The following FBXO33 variants were observed in gnomAD, a reference collection of about 807,000 sequenced individuals.
FBXO33 encodes F-box protein 33, also known as F-box only protein 33.
In FBXO33, 22 loss-of-function variants were observed where a neutral mutation model predicts 46.3. The observed-to-expected ratio is 0.48, with a 90% CI of 0.34 to 0.68. The LOEUF (loss-of-function observed/expected upper bound fraction) is 0.68, where lower values mean the gene tolerates loss of function less well. Among genes scored for constraint, FBXO33 ranks in the 30% least tolerant of loss-of-function variants. FBXO33 has a pLI of 0.01. For missense variants in FBXO33, 692 were observed against 708.8 expected, an observed-to-expected ratio of 0.98 and a Z score of 0.27; for synonymous variants, 337 against 291.3, an observed-to-expected ratio of 1.16 and a Z score of -1.60.
intron 1 of FBXO33, among the ~76,000 whole-genome samples, chr14:39,408,204 C>T (rs1029349072): frequency 5.3e-5 from 8 of 151,926 alleles, no homozygotes; most frequent in African/African-American, 1.9e-4. Flanking sequence ...CTCAGCCTCC[C>T]AAAGTGTTGG....
At position 39,399,450 on chromosome 14, in the gene FBXO33, T is replaced by G. The variant is rs1015757691; in HGVS notation, c.*66A>C. 8 of 1,414,220 alleles carry G rather than the reference T, an allele frequency of 5.7e-6. No homozygotes were observed. Among genetic ancestry groups the G allele is most frequent in the Non-Finnish European group, 4.8e-6 (5 of 1,042,958 alleles). The allele number at this position is 1,414,220 out of a possible 1,614,324, so 87.6% of individuals were successfully genotyped here. A position where few individuals can be genotyped will look rare whatever the true frequency, so the allele number is the denominator to read the frequency against. On this transcript the variant is annotated 3_prime_UTR_variant, in exon 4 of 4. Transcript: ENST00000298097. The stretch of plus-strand genomic sequence containing the variant: ...GCACAAAAGGATTAATTCACACTAC[T>G]GAAAAAAAAACATAATAGGACCCTA...
At chr14:39,412,679 C>A (rs902269436) in intron 1 of FBXO33, among the ~76,000 whole-genome samples, 1 of 151,976 alleles carries the variant, frequency 6.6e-6, no homozygotes, top group Non-Finnish European at 1.5e-5. Context: ...TTTTGTGTAT[C>A]TACCACAGGC....
chr14:39,415,541 T>C (rs573721021), intron 1 of FBXO33, among the ~76,000 whole-genome samples: 6 of 150,972 alleles, frequency 4.0e-5, no homozygotes, highest in Admixed American at 1.3e-4. Context: ...CATTTTAAGA[T>C]AATAATATAA....
intron 1 of FBXO33, among the ~76,000 whole-genome samples, chr14:39,406,650 A>T (rs1237852807): frequency 6.6e-6 from 1 of 152,190 alleles, no homozygotes. Flanking sequence ...TTTAGGGCAG[A>T]GTACCAGAGA....
intron 1 of FBXO33, among the ~76,000 whole-genome samples, chr14:39,419,919 C>T (rs1482398447): frequency 1.3e-5 from 2 of 152,184 alleles, no homozygotes; most frequent in African/African-American, 4.8e-5. Flanking sequence ...ATCACAAAGT[C>T]ATAAACAGTG....
Position 39,399,469 on chromosome 14 carries a change from G to A in FBXO33, c.*47C>T, listed in dbSNP as rs573889960. 2 of 1,531,576 alleles carry A rather than the reference G, an allele frequency of 1.3e-6. No homozygotes were observed. Among genetic ancestry groups the A allele is most frequent in the South Asian group, 2.5e-5 (2 of 79,436 alleles). The allele number at this position is 1,531,576 out of a possible 1,614,324, so 94.9% of individuals were successfully genotyped here. On this transcript the variant is annotated 3_prime_UTR_variant, in exon 4 of 4. Transcript: ENST00000298097. ...CACTACTGAAAAAAAAACATAATAG[G>A]ACCCTACTTGCATATGTAACCACAG...
At position 39,401,175 on chromosome 14, in the gene FBXO33, C is replaced by A; in HGVS notation, c.1396+1G>T. On this transcript the variant is annotated splice_donor_variant, in intron 3 of 3. Transcript: ENST00000298097. LOFTEE classifies it high-confidence loss of function. The stretch of plus-strand genomic sequence containing the variant: ...AGATTACAATGAACAAGATCACCTA[C>A]CATGAATTGCCAGAAGAGAGAGCTT... The A allele has an allele frequency of 6.4e-7, 1 of 1,570,816 alleles. No homozygotes were observed. The highest frequency in any genetic ancestry group is 8.6e-7 in the Non-Finnish European group (1 of 1,163,028).
chr14:39,415,086 C>T (rs2075441249), intron 1 of FBXO33, among the ~76,000 whole-genome samples: 1 of 152,024 alleles, frequency 6.6e-6, no homozygotes, highest in South Asian at 2.1e-4. Flanking sequence ...TCGTGGGGCA[C>T]CAAAATGATT....
intron 1 of FBXO33, among the ~76,000 whole-genome samples, chr14:39,425,741 G>A (rs72677604): frequency 0.029 from 4,437 of 152,296 alleles, 175 homozygotes; most frequent in Admixed American, 0.11. Context: ...TTCTATGGAT[G>A]GAAGTGTACT....
chr14:39,427,408 G>A (rs557847740), intron 1 of FBXO33, among the ~76,000 whole-genome samples: 1 of 152,244 alleles, frequency 6.6e-6, no homozygotes, highest in South Asian at 2.1e-4. Context: ...AGGGCAGATT[G>A]GTCACAGGCC....
chr14:39,410,866 G>A (rs61999073), intron 1 of FBXO33, among the ~76,000 whole-genome samples: 12,591 of 152,144 alleles, frequency 0.083, 634 homozygotes, highest in South Asian at 0.18. Flanking sequence ...GGCATCAGTT[G>A]TAATGTCTCC....
intron 1 of FBXO33, among the ~76,000 whole-genome samples, chr14:39,416,986 G>T (rs2075451639): frequency 6.6e-6 from 1 of 152,160 alleles, no homozygotes; most frequent in African/African-American, 2.4e-5. Flanking sequence ...TTGCTGTAGA[G>T]GGTACCCACT....
At position 39,432,014 on chromosome 14, in the gene FBXO33, C is replaced by T; in HGVS notation, c.149G>A (p.Gly50Glu). The T allele has an allele frequency of 7.1e-7, 1 of 1,409,858 alleles. No homozygotes were observed. The highest frequency in any genetic ancestry group is 2.9e-5 in the East Asian group (1 of 34,528). 87.3% of individuals were successfully genotyped at this position (1,409,858 alleles called of 1,614,324 possible). A position where few individuals can be genotyped will look rare whatever the true frequency, so the allele number is the denominator to read the frequency against. ...GLLRVLRGRP[G>E]AGSRRRGRMA... The stretch of plus-strand genomic sequence containing the variant: ...CCGGCCCCGCCGCCGGCTGCCGGCT[C>T]CCGGCCGCCCCCGCAGTACCCGGAG... The change falls in exon 1 of 4, where the codon GGA becomes GAA. Residue 50 changes from glycine to glutamate, a missense_variant. Around this residue, in one of 3 missense-constraint regions of FBXO33, gnomAD observed 412 missense variants for 370.8 expected, o/e 1.11. Transcript: ENST00000298097.
At position 39,432,066 on chromosome 14, in the gene FBXO33, G is replaced by A. The variant is rs1301844502; in HGVS notation, c.97C>T (p.Gln33Ter). The A allele has an allele frequency of 1.6e-6, 2 of 1,244,280 alleles. No homozygotes were observed. Among genetic ancestry groups the A allele is most frequent in the South Asian group, 3.5e-5 (1 of 28,236 alleles). The allele number at this position is 1,244,280 out of a possible 1,614,324, so 77.1% of individuals were successfully genotyped here. Residue 33 changes from glutamine (Q) to a stop codon, truncating the protein, a stop_gained, in exon 1 of 4, where the codon CAG (glutamine) becomes TAG (stop). Transcript: ENST00000298097. LOFTEE classifies it high-confidence loss of function. Reference protein sequence around the residue: ...RVARWRRLRLQQLRRLRGLLR... With the variant: ...RVARWRRLRL ...AGCCCCCGCAGCCGTCGCAGCTGCT[G>A]CAGCCGCAGCCGCCGCCACCGCGCC...
intron 1 of FBXO33, among the ~76,000 whole-genome samples, chr14:39,425,591 C>T (rs563974075): frequency 1.1e-4 from 16 of 152,316 alleles, no homozygotes; most frequent in Admixed American, 5.9e-4. Context: ...TCTTCTTAGT[C>T]CACTTTCAGT....
At chr14:39,404,965 A>G (rs1285303131) in intron 1 of FBXO33, among the ~76,000 whole-genome samples, 2 of 151,842 alleles carry the variant, frequency 1.3e-5, no homozygotes, top group Non-Finnish European at 2.9e-5. Context: ...CGGCCAACAT[A>G]GTGAAACCCC....
intron 1 of FBXO33, among the ~76,000 whole-genome samples, chr14:39,421,250 T>C (rs571270300): frequency 5.9e-5 from 9 of 152,352 alleles, no homozygotes; most frequent in South Asian, 4.1e-4. Flanking sequence ...CCAGCAACAG[T>C]TGAATAACAA....
At chr14:39,429,634 T>G (rs928989581) in intron 1 of FBXO33, among the ~76,000 whole-genome samples, 4 of 152,210 alleles carry the variant, frequency 2.6e-5, no homozygotes, top group Non-Finnish European at 4.4e-5. Context: ...CAACATGCAA[T>G]TACACTACAT....
intron 1 of FBXO33, among the ~76,000 whole-genome samples, chr14:39,428,610 T>C (rs2075527868): frequency 6.6e-6 from 1 of 152,184 alleles, no homozygotes; most frequent in Non-Finnish European, 1.5e-5. Flanking sequence ...ATAAACCAGA[T>C]GAAGACAATG....
Sources: gnomAD v4.1 joint callset for allele counts (sites outside exome capture counted in the v4.1 genomes callset) on GRCh38, gnomAD v4.1.1 for gene constraint, gnomAD v4.1.1 regional missense constraint, MANE v1.5 for transcripts, NCBI Gene and HGNC (gene_info 2026-07-23, HGNC 2026-07-21) for gene names.